The following BTRC variants were observed in gnomAD, a reference collection of about 807,000 sequenced individuals.
BTRC encodes the protein beta-transducin repeat containing E3 ubiquitin protein ligase, also known as F-box/WD repeat-containing protein 1A.
BTRC carries 42 observed loss-of-function variants against 85.5 expected under a neutral mutation model. The ratio of observed to expected loss-of-function variants is 0.49; its 90% CI spans 0.38 to 0.64. The LOEUF (loss-of-function observed/expected upper bound fraction) is 0.64, where lower values mean the gene tolerates loss of function less well. BTRC is among the 30% of genes least tolerant of loss of function. BTRC has a pLI of 0.00. For synonymous variants in BTRC, 255 were observed against 263.3 expected (o/e 0.97, Z 0.30); for missense variants, 594 against 743.5 (o/e 0.80, Z 2.34).
intron 2 of BTRC, among the ~76,000 whole-genome samples, chr10:101,443,490 T>A (rs756296172): frequency 2.0e-5 from 3 of 152,226 alleles, no homozygotes; most frequent in Non-Finnish European, 4.4e-5. Flanking sequence ...AATGTGTATG[T>A]GTGCATACAA....
intron 1 of BTRC, among the ~76,000 whole-genome samples, chr10:101,426,058 A>G (rs939182288): frequency 1.3e-5 from 2 of 152,306 alleles, no homozygotes; most frequent in South Asian, 4.1e-4. Flanking sequence ...CTTAATAAGG[A>G]TAGTAACCAA....
chr10:101,376,100 C>T (rs965698223), intron 1 of BTRC, among the ~76,000 whole-genome samples: 3 of 152,212 alleles, frequency 2.0e-5, no homozygotes, highest in East Asian at 3.9e-4. Flanking sequence ...CTGAGGCAGG[C>T]GGATCACCTG....
At chr10:101,550,247 C>G (rs1173745269) in intron 13 of BTRC, among the ~76,000 whole-genome samples, 2 of 151,652 alleles carry the variant, frequency 1.3e-5, no homozygotes, top group Admixed American at 6.6e-5. Flanking sequence ...CTGCCTTTAG[C>G]CAAAGTAAAT....
intron 4 of BTRC, among the ~76,000 whole-genome samples, chr10:101,487,266 T>C (rs910074759): frequency 7.2e-5 from 11 of 152,234 alleles, no homozygotes; most frequent in African/African-American, 2.7e-4. Context: ...AAATGTTACC[T>C]ACTTTCTTAT....
intron 1 of BTRC, among the ~76,000 whole-genome samples, chr10:101,381,220 C>T (rs1271378492): frequency 6.6e-6 from 1 of 152,128 alleles, no homozygotes; most frequent in Non-Finnish European, 1.5e-5. Context: ...ATTTGATCCT[C>T]TCATCTTATT....
Position 101,438,422 on chromosome 10 carries a change from C to CAAAAAAA in BTRC, c.156+7992_156+7998dup, listed in dbSNP as rs34955428. 2.3e-4 allele frequency among the ~76,000 whole-genome samples: 13 copies of CAAAAAAA among 57,762 alleles called. 4 individuals carry two copies. Among genetic ancestry groups the CAAAAAAA allele is most frequent in the Non-Finnish European group, 3.7e-4 (13 of 35,386 alleles). 37.9% of individuals were successfully genotyped at this position (57,762 alleles called of 152,430 possible). A position where few individuals can be genotyped will look rare whatever the true frequency, so the allele number is the denominator to read the frequency against. On this transcript the variant is annotated intron_variant, in intron 2 of 14. Coordinates refer to ENST00000370187, the MANE Select transcript of BTRC (RefSeq NM_033637.4). ...CCTGGGCGACAGAGCGAGACTGCCT[C>CAAAAAAA]AAAAAAAAAAAAAAAAAAAAAAAAA...
chr10:101,507,176 G>C (rs1376513072), intron 4 of BTRC, among the ~76,000 whole-genome samples: 1 of 151,656 alleles, frequency 6.6e-6, no homozygotes, highest in Non-Finnish European at 1.5e-5. Context: ...TTCCCATCTT[G>C]TGAGCAAAGT....
At chr10:101,512,075 T>A (rs1041449394) in intron 4 of BTRC, among the ~76,000 whole-genome samples, 2 of 152,238 alleles carry the variant, frequency 1.3e-5, no homozygotes, top group Non-Finnish European at 2.9e-5. Flanking sequence ...TTTGTATGCC[T>A]GTTCACAGCA....
intron 2 of BTRC, among the ~76,000 whole-genome samples, chr10:101,453,094 A>C (rs962621404): frequency 1.3e-5 from 2 of 152,182 alleles, no homozygotes; most frequent in Non-Finnish European, 2.9e-5. Flanking sequence ...TAAAATAATA[A>C]TTTCTGTTTT....
At chr10:101,513,939 G>A (rs1409865541) in intron 4 of BTRC, among the ~76,000 whole-genome samples, 1 of 152,188 alleles carries the variant, frequency 6.6e-6, no homozygotes, top group African/African-American at 2.4e-5. Context: ...TCCACACTTA[G>A]TATTGTCAGT....
intron 1 of BTRC, among the ~76,000 whole-genome samples, chr10:101,370,382 G>C (rs1418759885): frequency 6.6e-6 from 1 of 152,038 alleles, no homozygotes; most frequent in African/African-American, 2.4e-5. Flanking sequence ...CCAAAGTGCT[G>C]GTATTACAGG....
At chr10:101,417,918 T>C (rs1161016190) in intron 1 of BTRC, among the ~76,000 whole-genome samples, 1 of 152,222 alleles carries the variant, frequency 6.6e-6, no homozygotes, top group East Asian at 1.9e-4. Flanking sequence ...CCTCAGGCAA[T>C]CTGCTGGGTT....
chr10:101,355,007 T>C (rs747552071), intron 1 of BTRC, among the ~76,000 whole-genome samples: 35 of 152,084 alleles, frequency 2.3e-4, no homozygotes, highest in Non-Finnish European at 4.4e-5. Context: ...CTAAATACTG[T>C]AATAAGGACA....
intron 1 of BTRC, among the ~76,000 whole-genome samples, chr10:101,398,089 G>A (rs995223902): frequency 5.3e-5 from 8 of 152,086 alleles, no homozygotes; most frequent in African/African-American, 1.9e-4. Flanking sequence ...TGTGGTAATG[G>A]CATTGGCATC....
At chr10:101,365,206 T>C (rs1160879771) in intron 1 of BTRC, among the ~76,000 whole-genome samples, 1 of 151,820 alleles carries the variant, frequency 6.6e-6, no homozygotes. Context: ...CCTGAGTAGC[T>C]GGGATTACAG....
intron 1 of BTRC, among the ~76,000 whole-genome samples, chr10:101,384,742 C>G (rs1431493183): frequency 2.0e-5 from 3 of 151,922 alleles, no homozygotes; most frequent in African/African-American, 7.3e-5. Context: ...ATGGAAAAGA[C>G]CTAAGGAGAG....
intron 1 of BTRC, among the ~76,000 whole-genome samples, chr10:101,395,367 T>A (rs959107117): frequency 6.6e-6 from 1 of 152,194 alleles, no homozygotes; most frequent in Non-Finnish European, 1.5e-5. Flanking sequence ...GTGCTGCTGT[T>A]CTTCCTCCCT....
intron 1 of BTRC, among the ~76,000 whole-genome samples, chr10:101,380,288 T>C (rs1254559961): frequency 6.6e-6 from 1 of 152,168 alleles, no homozygotes. Flanking sequence ...GAAATTATTA[T>C]AAATAGAGCA....
intron 1 of BTRC, among the ~76,000 whole-genome samples, chr10:101,417,332 A>C (rs542364924): frequency 6.6e-6 from 1 of 152,336 alleles, no homozygotes; most frequent in South Asian, 2.1e-4. Flanking sequence ...GGCTTTCATA[A>C]CATTGACATT....
Sources: gnomAD v4.1 joint callset for allele counts (sites outside exome capture counted in the v4.1 genomes callset) on GRCh38, gnomAD v4.1.1 for gene constraint, MANE v1.5 for transcripts, NCBI Gene and HGNC (gene_info 2026-07-23, HGNC 2026-07-21) for gene names.